Variants in ATP6V0E1 observed in about 807,000 individuals in gnomAD.
ATP6V0E1 encodes ATPase H+ transporting V0 subunit e1, also known as V-type proton ATPase subunit e 1.
In ATP6V0E1, 4 loss-of-function variants were observed where a neutral mutation model predicts 11.6. That is an observed-to-expected ratio of 0.35 (90% CI 0.17 to 0.79). The LOEUF (loss-of-function observed/expected upper bound fraction) is 0.79. Among genes scored for constraint, ATP6V0E1 ranks in the 30% least tolerant of loss-of-function variants. The pLI, the probability that ATP6V0E1 is intolerant of heterozygous loss-of-function variation, is 0.54. For missense variants in ATP6V0E1, 105 were observed against 100.0 expected (o/e 1.05, Z -0.21); for synonymous variants, 36 against 34.8 (o/e 1.04, Z -0.13).
chr5:172,993,967 G>T (rs1756026476), intron 1 of ATP6V0E1, among the ~76,000 whole-genome samples: 1 of 152,186 alleles, frequency 6.6e-6, no homozygotes, highest in South Asian at 2.1e-4. Context: ...AATGATGGAT[G>T]ATGGAGGGGG....
At chr5:172,996,044 G>C (rs1422889039) in intron 2 of ATP6V0E1, among the ~76,000 whole-genome samples, 1 of 152,112 alleles carries the variant, frequency 6.6e-6, no homozygotes, top group Non-Finnish European at 1.5e-5. Flanking sequence ...ATGTAAGGTA[G>C]GAAGCAACAG....
In ATP6V0E1 at chr5:173,020,323, TG is replaced by T. The variant is rs769389993; in HGVS notation, c.240del (p.Trp80CysfsTer23). 1 of 1,611,808 alleles carries T rather than the reference TG, an allele frequency of 6.2e-7. No homozygotes were observed. The highest frequency in any genetic ancestry group is 1.3e-5 in the African/African-American group (1 of 75,010). On this transcript the variant is annotated frameshift_variant, in exon 3 of 4. Coordinates refer to ENST00000519374, the MANE Select transcript of ATP6V0E1 (RefSeq NM_003945.4). LOFTEE classifies it high-confidence loss of function. ...AACCATCTGGTATCTGAAGTATCAT[TG>T]GCCTTGAGGAAGAAGACATGCTCTA... is the stretch of plus-strand genomic sequence containing the variant. Reference protein sequence around the residue: ...NETIWYLKYHWP With the variant: ...NETIWYLKYHXP
At chr5:172,985,694 C>T (rs1755886135) in intron 1 of ATP6V0E1, among the ~76,000 whole-genome samples, 1 of 152,196 alleles carries the variant, frequency 6.6e-6, no homozygotes, top group Non-Finnish European at 1.5e-5. Context: ...ACCATTCTCT[C>T]CCCTTCCTTG....
chr5:173,016,655 G>A (rs1416631581), intron 2 of ATP6V0E1, among the ~76,000 whole-genome samples: 1 of 152,074 alleles, frequency 6.6e-6, no homozygotes, highest in Non-Finnish European at 1.5e-5. Context: ...TGTTTTTTCA[G>A]GCAGCTTGTA....
intron 2 of ATP6V0E1, among the ~76,000 whole-genome samples, chr5:173,015,324 C>T (rs1245359735): frequency 6.6e-6 from 1 of 152,176 alleles, no homozygotes; most frequent in African/African-American, 2.4e-5. Flanking sequence ...TCTTTGTTCC[C>T]ATTTCCTGGT....
chr5:172,986,363 G>A (rs1029144363), intron 1 of ATP6V0E1, among the ~76,000 whole-genome samples: 10 of 152,132 alleles, frequency 6.6e-5, no homozygotes, highest in South Asian at 2.1e-4. Flanking sequence ...GGCTGGGCAC[G>A]GTGGCTCACA....
intron 2 of ATP6V0E1, among the ~76,000 whole-genome samples, chr5:173,001,576 G>T (rs1358811756): frequency 6.6e-6 from 1 of 152,090 alleles, no homozygotes; most frequent in Admixed American, 6.6e-5. Context: ...CAGGGGCCTG[G>T]GTGCACCGCT....
chr5:172,998,931 G>A lies in ATP6V0E1; in HGVS notation c.152+4109G>A, dbSNP rs115268881. 1.6e-3 allele frequency among the ~76,000 whole-genome samples: 250 copies of A among 152,206 alleles called. 1 individual carries two copies. The highest frequency in any genetic ancestry group is 5.8e-3 in the African/African-American group (239 of 41,516). On this transcript the variant is annotated intron_variant, in intron 2 of 3. Transcript: ENST00000519374. ...TGAGGCAGGCGGATCACAAGGTCAGGAGTTCGAAACTCCTGGCCAACACGG... is the reference window on the plus strand; with the variant it reads ...TGAGGCAGGCGGATCACAAGGTCAGAAGTTCGAAACTCCTGGCCAACACGG...
In ATP6V0E1 at chr5:173,034,708, G is replaced by A. The variant is rs1017388787; in HGVS notation, c.*346G>A. ...TTGAAGATGGCTCCTGCCTTCTCACGTGGGAATCAGTGAAGTGTTTAGAAA... is the reference window on the plus strand; with the variant it reads ...TTGAAGATGGCTCCTGCCTTCTCACATGGGAATCAGTGAAGTGTTTAGAAA... On this transcript the variant is annotated 3_prime_UTR_variant, in exon 4 of 4. Transcript: ENST00000519374. 1.3e-4 allele frequency: 59 copies of A among 452,288 alleles called. No individual in the cohort carries two copies. Among genetic ancestry groups the A allele is most frequent in the Admixed American group, 2.9e-4 (8 of 27,834 alleles). 28.0% of individuals were successfully genotyped at this position (452,288 alleles called of 1,614,324 possible).
At chr5:172,997,412 T>C (rs1756081627) in intron 2 of ATP6V0E1, among the ~76,000 whole-genome samples, 1 of 152,160 alleles carries the variant, frequency 6.6e-6, no homozygotes, top group South Asian at 2.1e-4. Context: ...AAATCCAGTC[T>C]GTATATGCAA....
At chr5:173,001,847 T>C (rs912134057) in intron 2 of ATP6V0E1, among the ~76,000 whole-genome samples, 1 of 151,952 alleles carries the variant, frequency 6.6e-6, no homozygotes, top group Admixed American at 6.6e-5. Flanking sequence ...GCCTCCCGAG[T>C]AACTGGGATT....
At chr5:173,020,081 A>T (rs1307293064) in intron 2 of ATP6V0E1, among the ~76,000 whole-genome samples, 157 bp from the exon 3 acceptor site, 2 of 152,178 alleles carry the variant, frequency 1.3e-5, no homozygotes, top group African/African-American at 4.8e-5. Context: ...ACATTTTGTT[A>T]TCAGACATGC....
chr5:173,003,580 C>T lies in ATP6V0E1; in HGVS notation c.152+8758C>T, dbSNP rs539070854. On this transcript the variant is annotated intron_variant, in intron 2 of 3. Coordinates refer to ENST00000519374, the MANE Select transcript of ATP6V0E1 (RefSeq NM_003945.4). ...ACACCCGTCAGGAAGTGACTGCATG[C>T]ATGCCAGTGAGAGATCACCATGGTT... Among the ~76,000 whole-genome samples, 3 of 152,262 alleles carry T rather than the reference C, an allele frequency of 2.0e-5. No individual in the cohort carries two copies. The East Asian group carries it at 5.8e-4, about 29-fold the overall frequency.
chr5:173,020,667 C>T, intron 3 of ATP6V0E1: 1 of 527,422 alleles, frequency 1.9e-6, no homozygotes, highest in Non-Finnish European at 3.8e-6. Context: ...TTATACTTGG[C>T]ATTGTGAGAT....
intron 2 of ATP6V0E1, among the ~76,000 whole-genome samples, chr5:173,008,565 C>T (rs1366926614): frequency 6.7e-6 from 1 of 148,462 alleles, no homozygotes; most frequent in Non-Finnish European, 1.5e-5. Context: ...TCCCAAAGTG[C>T]TGGGATTACA....
chr5:172,998,609 T>TAA (rs59297626), intron 2 of ATP6V0E1, among the ~76,000 whole-genome samples: 3,509 of 119,834 alleles, frequency 0.029, 78 homozygotes, highest in Non-Finnish European at 0.045. Context: ...GACTCCATCT[T>TAA]AAAAAAAAAA....
At chr5:173,025,143 CTTT>C (rs539174415) in intron 3 of ATP6V0E1, among the ~76,000 whole-genome samples, 24 of 103,128 alleles carry the variant, frequency 2.3e-4, no homozygotes, top group Non-Finnish European at 2.2e-4. Flanking sequence ...GCCTGGCATT[CTTT>C]TTTTTTTTTT....
Position 172,994,882 on chromosome 5 carries a change from T to G in ATP6V0E1, c.152+60T>G. ...ATTTGTAGTGTGTGCGATTTACACA[T>G]TTGTTTTATTGGAGCTCATCCCTCA... On this transcript the variant is annotated intron_variant, in intron 2 of 3. Coordinates refer to ENST00000519374, the MANE Select transcript of ATP6V0E1 (RefSeq NM_003945.4). The G allele has an allele frequency of 2.2e-6, 3 of 1,349,954 alleles. No individual in the cohort carries two copies. In the South Asian group the frequency reaches 3.9e-5, roughly 17 times the overall value. The allele number at this position is 1,349,954 out of a possible 1,614,324, so 83.6% of individuals were successfully genotyped here.
chr5:173,012,754 C>CAA lies in ATP6V0E1; in HGVS notation c.153-7471_153-7470dup, dbSNP rs1241067003. 5.6e-3 allele frequency among the ~76,000 whole-genome samples: 577 copies of CAA among 102,160 alleles called. 5 individuals carry two copies. The highest frequency in any genetic ancestry group is 0.019 in the African/African-American group (547 of 28,642). The allele number at this position is 102,160 out of a possible 152,430, so 67.0% of individuals were successfully genotyped here. On this transcript the variant is annotated intron_variant, in intron 2 of 3. Transcript: ENST00000519374. Reference sequence around the variant, plus strand: ...CTGGGCAATGAGTGAAACTCCATCTCAAAAAAAAAAAAAAGAAAAGATTTA... The same window carrying CAA: ...CTGGGCAATGAGTGAAACTCCATCTCAAAAAAAAAAAAAAAAGAAAAGATTTA...
Sources: allele counts gnomAD v4.1 joint callset (sites outside exome capture counted in the v4.1 genomes callset), GRCh38; gene constraint gnomAD v4.1.1; transcripts MANE v1.5; gene names NCBI Gene and HGNC (gene_info 2026-07-23, HGNC 2026-07-21).